RNF216: variants seen among roughly 807,000 people sequenced by gnomAD.
RNF216 encodes the protein ring finger protein 216.
RNF216 carries 72 observed loss-of-function variants against 110.8 expected under a neutral mutation model. The observed-to-expected ratio is 0.65, with a 90% confidence interval of 0.54 to 0.79. The LOEUF (loss-of-function observed/expected upper bound fraction) is 0.79, where lower values mean the gene tolerates loss of function less well. Ranked by LOEUF, RNF216 falls within the 30% of genes least tolerant of loss-of-function variation. The pLI, the probability that RNF216 is intolerant of heterozygous loss-of-function variation, is 0.00. For missense variants in RNF216, 1,342 were observed against 1,141.2 expected (o/e 1.18, Z -2.54); for synonymous variants, 495 against 407.5 (o/e 1.21, Z -2.59).
At chr7:5,702,477 A>T (rs1481805041) in intron 13 of RNF216, among the ~76,000 whole-genome samples, 1 of 152,174 alleles carries the variant, frequency 6.6e-6, no homozygotes, top group Non-Finnish European at 1.5e-5. Flanking sequence ...CTCCCTTCTG[A>T]ATAATCACTG....
At chr7:5,692,214 G>T (rs534912480) in intron 13 of RNF216, among the ~76,000 whole-genome samples, 4 of 152,212 alleles carry the variant, frequency 2.6e-5, no homozygotes, top group Non-Finnish European at 5.9e-5. Flanking sequence ...GAATTTTTTA[G>T]TTGTTTATAT....
At chr7:5,739,829 C>A (rs1373977498) in intron 4 of RNF216, among the ~76,000 whole-genome samples, 1 of 151,808 alleles carries the variant, frequency 6.6e-6, no homozygotes, top group African/African-American at 2.4e-5. Flanking sequence ...GGTGAAACCC[C>A]GTCTCTACTA....
rs1330553692 is a variant in RNF216, at chr7:5,754,343, T to C, written c.68-1364A>G. 3.9e-5 allele frequency among the ~76,000 whole-genome samples: 6 copies of C among 151,946 alleles called. No individual in the cohort carries two copies. The East Asian group carries it at 1.2e-3, about 29-fold the overall frequency. On this transcript the variant is annotated intron_variant, in intron 2 of 16. Transcript: ENST00000389902. ...GTTACTTAAAAAAAAAATTTTTTTTTGTAGAGATGGAGTCTCACTATGTTC... is the reference window on the plus strand; with the variant it reads ...GTTACTTAAAAAAAAAATTTTTTTTCGTAGAGATGGAGTCTCACTATGTTC...
At position 5,660,442 on chromosome 7, in the gene RNF216, C is replaced by T. The variant is rs375819461; in HGVS notation, c.2062-7932G>A. Among the ~76,000 whole-genome samples, 64 of 151,346 alleles carry T rather than the reference C, an allele frequency of 4.2e-4. 1 individual carries two copies. In the South Asian group the frequency reaches 0.012, roughly 28 times the overall value. Reference sequence around the variant, plus strand: ...GAGTAGATGGGAATACAGGCGCCCGCGACCACACCTGGCTAATTTTTCTAT... The same window carrying T: ...GAGTAGATGGGAATACAGGCGCCCGTGACCACACCTGGCTAATTTTTCTAT... On this transcript the variant is annotated intron_variant, in intron 13 of 16. Coordinates refer to ENST00000389902, the MANE Select transcript of RNF216 (RefSeq NM_207111.4).
Position 5,740,389 on chromosome 7 carries a change from G to C in RNF216, c.1044+584C>G, listed in dbSNP as rs1465054771. Among the ~76,000 whole-genome samples the C allele has an allele frequency of 8.5e-5, 13 of 152,230 alleles. No homozygotes were observed. The East Asian group carries it at 2.3e-3, about 27-fold the overall frequency. ...GATCCACCCACCTTGGCCTCCCAAA[G>C]TGCTGGGATTACAGGTGTGAGCCAG... On this transcript the variant is annotated intron_variant, in intron 4 of 16. Transcript: ENST00000389902.
chr7:5,720,479 C>T (rs570935379), intron 9 of RNF216, among the ~76,000 whole-genome samples: 4 of 152,312 alleles, frequency 2.6e-5, no homozygotes, highest in South Asian at 2.1e-4. Flanking sequence ...TTCCTGTCAA[C>T]GGTAGGCTGT....
At chr7:5,763,057 C>G (rs1365528201) in intron 1 of RNF216, among the ~76,000 whole-genome samples, 1 of 152,054 alleles carries the variant, frequency 6.6e-6, no homozygotes, top group African/African-American at 2.4e-5. Context: ...CTACTGAACT[C>G]TGGGGATAGG....
chr7:5,766,610 T>C (rs1444834335), intron 1 of RNF216, among the ~76,000 whole-genome samples: 1 of 152,216 alleles, frequency 6.6e-6, no homozygotes, highest in African/African-American at 2.4e-5. Flanking sequence ...ATGCTGAAAC[T>C]CTATTCTCAG....
intron 12 of RNF216, 85 bp downstream of exon 12, chr7:5,712,630 A>G (rs1464365860): frequency 8.2e-6 from 11 of 1,340,898 alleles, no homozygotes; most frequent in African/African-American, 2.9e-5. Context: ...AGATAAACAC[A>G]ATTTTCATCA....
At chr7:5,716,575 C>A (rs1268409877) in intron 10 of RNF216, 141 bp downstream of exon 10, 3 of 611,964 alleles carry the variant, frequency 4.9e-6, no homozygotes, top group Non-Finnish European at 8.8e-6. Flanking sequence ...ACGTATCTGA[C>A]TATAACTTGG....
At chr7:5,652,728 G>C (rs950758224) in intron 13 of RNF216, among the ~76,000 whole-genome samples, 2 of 152,072 alleles carry the variant, frequency 1.3e-5, no homozygotes, top group African/African-American at 2.4e-5. Flanking sequence ...CCAGCACTTT[G>C]GAAGGCTGTG....
At chr7:5,777,539 G>C (rs1584632637) in intron 1 of RNF216, 1 of 152,234 alleles carries the variant, frequency 6.6e-6, no homozygotes, top group African/African-American at 2.4e-5. Context: ...GAGTCGATGG[G>C]ATCTGTGTAT....
At chr7:5,646,415 C>T (rs1788052347) in intron 14 of RNF216, among the ~76,000 whole-genome samples, 1 of 151,772 alleles carries the variant, frequency 6.6e-6, no homozygotes, top group African/African-American at 2.4e-5. Context: ...AAAAGGGGGC[C>T]AGGTGCCGTG....
chr7:5,752,709 C>T (rs2128664106), intron 3 of RNF216, 137 bp downstream of exon 3: 9 of 743,040 alleles, frequency 1.2e-5, no homozygotes, highest in South Asian at 5.9e-5. Flanking sequence ...TAAGAGTACA[C>T]GAGGTAGAAT....
chr7:5,764,100 A>T (rs886509058), intron 1 of RNF216, among the ~76,000 whole-genome samples: 1 of 151,894 alleles, frequency 6.6e-6, no homozygotes, highest in African/African-American at 2.4e-5. Context: ...CTGAGGCAGG[A>T]GAATTGCTTC....
At chr7:5,641,498 C>T in intron 14 of RNF216, 122 bp from the exon 15 acceptor site, 2 of 789,370 alleles carry the variant, frequency 2.5e-6, no homozygotes, top group Admixed American at 2.8e-5. Context: ...TGACATTAAA[C>T]AGTGAAAAGA....
chr7:5,778,399 T>A (rs1227286950), intron 1 of RNF216, among the ~76,000 whole-genome samples: 1 of 152,242 alleles, frequency 6.6e-6, no homozygotes, highest in Non-Finnish European at 1.5e-5. Flanking sequence ...TGTTCCTCCC[T>A]GGTTCAATCA....
intron 3 of RNF216, among the ~76,000 whole-genome samples, chr7:5,752,395 T>C (rs1484424407): frequency 2.6e-5 from 4 of 152,174 alleles, no homozygotes; most frequent in Admixed American, 1.3e-4. Flanking sequence ...ATCATAAAAA[T>C]TGCTCTATAA....
At chr7:5,667,180 G>C (rs759117099) in intron 13 of RNF216, among the ~76,000 whole-genome samples, 2 of 152,144 alleles carry the variant, frequency 1.3e-5, no homozygotes, top group South Asian at 2.1e-4. Flanking sequence ...ATGACTAGTG[G>C]ATTTAAAGTT....
Sources: gnomAD v4.1 joint callset for allele counts (sites outside exome capture counted in the v4.1 genomes callset) on GRCh38, gnomAD v4.1.1 for gene constraint, MANE v1.5 for transcripts, NCBI Gene and HGNC (gene_info 2026-07-23, HGNC 2026-07-21) for gene names.